MS4A13: variants seen among roughly 807,000 people sequenced by gnomAD.
The protein encoded by MS4A13 is membrane-spanning 4-domains subfamily A member 13.
Under a neutral mutation model 18.4 loss-of-function variants are expected in MS4A13, and 21 were observed. The ratio of observed to expected loss-of-function variants is 1.14; its 90% confidence interval spans 0.81 to 1.64. MS4A13 has a LOEUF of 1.64. MS4A13 is among the 40% of genes most tolerant of loss of function. The probability of loss-of-function intolerance (pLI) is 0.00; values close to 1 mark genes in which losing one functional copy is unlikely to be tolerated. For synonymous variants in MS4A13, 62 were observed against 57.2 expected (o/e 1.08, Z -0.38); for missense variants, 173 against 176.8 (o/e 0.98, Z 0.12).
At chr11:60,522,182 T>C (rs1016958860) in intron 3 of MS4A13, among the ~76,000 whole-genome samples, 1 of 146,414 alleles carries the variant, frequency 6.8e-6, no homozygotes, top group Non-Finnish European at 1.5e-5. Flanking sequence ...AGCCAAACCA[T>C]ATCAAAAGAT....
chr11:60,521,317 C>G (rs542664037), intron 3 of MS4A13, among the ~76,000 whole-genome samples: 1 of 152,198 alleles, frequency 6.6e-6, no homozygotes, highest in Admixed American at 6.5e-5. Context: ...TTAAATTTCT[C>G]CTCAGAAAAT....
chr11:60,539,699 A>G (rs907701637), intron 6 of MS4A13, among the ~76,000 whole-genome samples: 51 of 146,078 alleles, frequency 3.5e-4, no homozygotes, highest in African/African-American at 1.3e-3. Context: ...TCTTGAAAGC[A>G]GCAAAAAAAA....
intron 6 of MS4A13, among the ~76,000 whole-genome samples, chr11:60,532,207 C>T (rs1372089262): frequency 1.3e-5 from 2 of 152,192 alleles, no homozygotes; most frequent in East Asian, 1.9e-4. Context: ...GTCTACAGCT[C>T]CCAGCATGAG....
intron 6 of MS4A13, among the ~76,000 whole-genome samples, chr11:60,540,897 A>G (rs1464898664): frequency 1.6e-4 from 24 of 151,708 alleles, no homozygotes; most frequent in Admixed American, 1.5e-3. Context: ...CAAGGCTGCA[A>G]TGAGCCATAT....
Position 60,517,564 on chromosome 11 carries a change from C to T in MS4A13, c.-12-508C>T, listed in dbSNP as rs1346375282. Reference sequence around the variant, plus strand: ...TGTATTGCTGTGTTGGATTATGCCCCACTCCAGCATACTTGTGAAAAAAAT... The same window carrying T: ...TGTATTGCTGTGTTGGATTATGCCCTACTCCAGCATACTTGTGAAAAAAAT... On this transcript the variant is annotated intron_variant, in intron 2 of 6. Coordinates refer to ENST00000378186, the MANE Select transcript of MS4A13 (RefSeq NM_001012417.3). Among the ~76,000 whole-genome samples, 3 of 152,028 alleles carry T rather than the reference C, an allele frequency of 2.0e-5. No individual in the cohort carries two copies. In the East Asian group the frequency reaches 5.8e-4, roughly 29 times the overall value.
chr11:60,519,502 G>C (rs1366771147), intron 3 of MS4A13, among the ~76,000 whole-genome samples: 2 of 151,874 alleles, frequency 1.3e-5, no homozygotes, highest in African/African-American at 2.4e-5. Flanking sequence ...GGTTGTTTGA[G>C]GAAAGGCAAG....
chr11:60,523,927 G>T lies in MS4A13; in HGVS notation c.160G>T (p.Val54Leu), dbSNP rs776627599. Reference protein sequence around the residue: ...FIIAGVFLIRVTKYPTRSGII... With the variant: ...FIIAGVFLIRLTKYPTRSGII... ...CATTGCAGGAGTCTTCCTAATAAGA[G>T]TAACAAAGTATCCGACTCGATCTGG... Residue 54 changes from valine to leucine, a missense_variant, in exon 4 of 7, where the codon GTA (valine) becomes TTA (leucine). Val to Leu is a conservative substitution (Grantham distance 32). Transcript: ENST00000378186. The T allele has an allele frequency of 1.3e-6, 2 of 1,546,826 alleles. No homozygotes were observed. The highest frequency in any genetic ancestry group is 3.4e-5 in the Admixed American group (2 of 59,548).
At chr11:60,538,177 T>TTAAAAAAA (rs60140970) in intron 6 of MS4A13, among the ~76,000 whole-genome samples, 3 of 75,116 alleles carry the variant, frequency 4.0e-5, no homozygotes, top group East Asian at 3.5e-4. Flanking sequence ...TAAAGTATAA[T>TTAAAAAAA]AAAAAAAAAA....
intron 3 of MS4A13, among the ~76,000 whole-genome samples, chr11:60,520,436 G>T (rs1390149438): frequency 6.6e-6 from 1 of 152,180 alleles, no homozygotes; most frequent in African/African-American, 2.4e-5. Context: ...TAGCAAGTTA[G>T]TTACTTCCTA....
At chr11:60,526,443 T>G (rs1565212376) in intron 5 of MS4A13, among the ~76,000 whole-genome samples, 2 of 152,376 alleles carry the variant, frequency 1.3e-5, no homozygotes, top group East Asian at 3.9e-4. Flanking sequence ...TATGGCATAA[T>G]TGCCAAGGAT....
chr11:60,525,160 A>C (rs754832207), intron 4 of MS4A13, 47 bp from the exon 5 acceptor site: 10 of 1,433,836 alleles, frequency 7.0e-6, no homozygotes, highest in Non-Finnish European at 9.7e-6. Context: ...ATTACACCAA[A>C]ATGTTTATTC....
At chr11:60,525,035 G>A (rs2086704254) in intron 4 of MS4A13, among the ~76,000 whole-genome samples, 172 bp from the exon 5 acceptor site, 1 of 152,086 alleles carries the variant, frequency 6.6e-6, no homozygotes, top group South Asian at 2.1e-4. Flanking sequence ...GTTTCCTCCA[G>A]ATTAACTGGG....
rs1194971144 is a variant in MS4A13, at chr11:60,542,658, G to A, written c.*83G>A. On this transcript the variant is annotated 3_prime_UTR_variant, in exon 7 of 7. Transcript: ENST00000378186. ...TATCTCTGTATAACAAAGCAGTTACGAAGCCTACAGATTTTGTGCAAAATA... is the reference window on the plus strand; with the variant it reads ...TATCTCTGTATAACAAAGCAGTTACAAAGCCTACAGATTTTGTGCAAAATA... 12 of 753,272 alleles carry A rather than the reference G, an allele frequency of 1.6e-5. No homozygotes were observed. The highest frequency in any genetic ancestry group is 5.2e-5 in the South Asian group (2 of 38,678). The allele number at this position is 753,272 out of a possible 1,614,324, so 46.7% of individuals were successfully genotyped here. A position where few individuals can be genotyped will look rare whatever the true frequency, so the allele number is the denominator to read the frequency against.
chr11:60,542,775 A>G (rs1482774538), downstream of MS4A13: 3 of 432,174 alleles, frequency 6.9e-6, no homozygotes, highest in Non-Finnish European at 1.3e-5. Context: ...CTATTTAAAT[A>G]TGAGATTATT....
rs1555023672 is a variant in MS4A13 at position 60,522,235 on chromosome 11, G to GTATATATATATATATATATATCT, written c.130-1662_130-1661insTATATATATATATATATATATCT. Among the ~76,000 whole-genome samples the GTATATATATATATATATATATCT allele has an allele frequency of 6.2e-5, 7 of 112,188 alleles. No homozygotes were observed. The South Asian group carries it at 8.5e-4, about 14-fold the overall frequency. 73.6% of individuals were successfully genotyped at this position (112,188 alleles called of 152,430 possible). ...AGATAGATAGATAGATAGATAGATAGATAGATGTATATATATAGATATATA... is the reference window on the plus strand; with the variant it reads ...AGATAGATAGATAGATAGATAGATAGTATATATATATATATATATATCTATAGATGTATATATATAGATATATA... On this transcript the variant is annotated intron_variant, in intron 3 of 6. Coordinates refer to ENST00000378186, the MANE Select transcript of MS4A13 (RefSeq NM_001012417.3).
intron 6 of MS4A13, among the ~76,000 whole-genome samples, chr11:60,541,263 T>C (rs2086855911): frequency 6.6e-6 from 1 of 152,238 alleles, no homozygotes; most frequent in Non-Finnish European, 1.5e-5. Flanking sequence ...GTAATTTAAG[T>C]CTTTGGTATA....
Position 60,523,884 on chromosome 11 carries a change from T to C in MS4A13, c.130-13T>C. On this transcript the variant is annotated splice_polypyrimidine_tract_variant and intron_variant, in intron 3 of 6. Coordinates refer to ENST00000378186, the MANE Select transcript of MS4A13 (RefSeq NM_001012417.3). ...TTATCAATGAGTATTTATAAATATG[T>C]TTTTATATCCAGTTTATCATTGCAG... The C allele has an allele frequency of 1.4e-6, 2 of 1,405,944 alleles. No individual in the cohort carries two copies. The highest frequency in any genetic ancestry group is 2.4e-5 in the South Asian group (2 of 84,890). 87.1% of individuals were successfully genotyped at this position (1,405,944 alleles called of 1,614,324 possible).
intron 3 of MS4A13, among the ~76,000 whole-genome samples, chr11:60,523,426 C>T (rs2086691274): frequency 6.6e-6 from 1 of 152,146 alleles, no homozygotes; most frequent in African/African-American, 2.4e-5. Context: ...TTAATAATGA[C>T]TACAATCTCA....
chr11:60,519,297 A>G (rs890695005), intron 3 of MS4A13, among the ~76,000 whole-genome samples: 1 of 152,238 alleles, frequency 6.6e-6, no homozygotes, highest in Non-Finnish European at 1.5e-5. Context: ...AGCACCTCAC[A>G]ACAAAGAATT....
Sources: gnomAD v4.1 joint callset for allele counts (sites outside exome capture counted in the v4.1 genomes callset) on GRCh38, gnomAD v4.1.1 for gene constraint, MANE v1.5 for transcripts, NCBI Gene and HGNC (gene_info 2026-07-23, HGNC 2026-07-21) for gene names.